NCSTN: variants seen among roughly 807,000 people sequenced by gnomAD.
NCSTN encodes anterior pharynx-defective 2.
Under a neutral mutation model 87.0 loss-of-function variants are expected in NCSTN, and 22 were observed. The observed-to-expected ratio is 0.25, with a 90% confidence interval of 0.18 to 0.36. The LOEUF is 0.36. NCSTN is among the 10% of genes least tolerant of loss of function. The pLI, the probability that NCSTN is intolerant of heterozygous loss-of-function variation, is 1.00. For synonymous variants in NCSTN, 306 were observed against 327.1 expected, an observed-to-expected ratio of 0.94 and a Z score of 0.69; for missense variants, 693 against 883.3, an observed-to-expected ratio of 0.78 and a Z score of 2.73.
At chr1:160,352,521 C>T (rs1434106075) in intron 8 of NCSTN, among the ~76,000 whole-genome samples, 4 of 152,196 alleles carry the variant, frequency 2.6e-5, no homozygotes, top group African/African-American at 4.8e-5. Context: ...ATCCAGGAGC[C>T]GTTAGGCTCC....
rs1557890619 is a variant in NCSTN, at chr1:160,358,298, T to TCAG, written c.*31_*33dup. On this transcript the variant is annotated 3_prime_UTR_variant, in exon 17 of 17. Coordinates refer to ENST00000294785, the MANE Select transcript of NCSTN (RefSeq NM_015331.3). The stretch of plus-strand genomic sequence containing the variant: ...GAGGACCCCAGCTTTTCTTGCCAGC[T>TCAG]CAGCAGTTCACTTCCTAGAGCATCT... 2 of 1,613,680 alleles carry TCAG rather than the reference T, an allele frequency of 1.2e-6. No individual in the cohort carries two copies. The highest frequency in any genetic ancestry group is 1.7e-6 in the Non-Finnish European group (2 of 1,180,042).
intron 10 of NCSTN, chr1:160,353,821 A>T: frequency 1.4e-6 from 1 of 735,306 alleles, no homozygotes; most frequent in Non-Finnish European, 1.7e-6. Context: ...AATAAATAAT[A>T]AGTGAAGCAT....
At chr1:160,354,076 TCC>T in intron 10 of NCSTN, 40 bp from the exon 11 acceptor site, 1 of 1,594,270 alleles carries the variant, frequency 6.3e-7, no homozygotes, top group Non-Finnish European at 8.6e-7. Flanking sequence ...CTGCTTCCCA[TCC>T]CCCAGCCTCC....
chr1:160,348,256 C>G (rs1016791111), intron 2 of NCSTN, among the ~76,000 whole-genome samples: 3 of 152,208 alleles, frequency 2.0e-5, no homozygotes, highest in African/African-American at 7.2e-5. Flanking sequence ...TAATACAGTG[C>G]TTCCCAATCT....
Position 160,356,706 on chromosome 1 carries a change from C to G in NCSTN, c.1746C>G (p.Thr582=). The change falls in exon 15 of 17, where the codon ACC becomes ACG. Residue 582 remains threonine (T), a synonymous_variant. Transcript: ENST00000294785. ...ANLTGTVVNL[T]REQCQDPSKV... Reference sequence around the variant, plus strand: ...TGACTGGCACAGTGGTCAACCTCACCCGAGAGCAGTGCCAGGATCCAAGTA... The same window carrying G: ...TGACTGGCACAGTGGTCAACCTCACGCGAGAGCAGTGCCAGGATCCAAGTA... 1 of 1,614,216 alleles carries G rather than the reference C, an allele frequency of 6.2e-7. No individual in the cohort carries two copies. Among genetic ancestry groups the G allele is most frequent in the Non-Finnish European group, 8.5e-7 (1 of 1,180,048 alleles).
intron 1 of NCSTN, 195 bp from the exon 2 acceptor site, chr1:160,344,525 CAT>C: frequency 1.3e-6 from 2 of 1,549,036 alleles, no homozygotes; most frequent in Non-Finnish European, 8.7e-7. Context: ...CTTTGAGGCA[CAT>C]AGCTGGGTGC....
chr1:160,357,351 A>G, intron 16 of NCSTN, 98 bp downstream of exon 16: 4 of 1,270,254 alleles, frequency 3.1e-6, no homozygotes, highest in Non-Finnish European at 4.4e-6. Context: ...TTTGCCCCAC[A>G]TTTGTAGCAA....
rs747499831 is a variant in NCSTN at position 160,348,973 on chromosome 1, T to C, written c.191-26T>C. On this transcript the variant is annotated intron_variant, in intron 2 of 16. Coordinates refer to ENST00000294785, the MANE Select transcript of NCSTN (RefSeq NM_015331.3). ...TCAGAATTGTTAACTATGGGAGCTT[T>C]AATTTGACTCATTCTGTCCTGGCAG... 5.0e-6 allele frequency: 8 copies of C among 1,613,992 alleles called. No individual in the cohort carries two copies. The African/African-American group carries it at 5.3e-5, about 11-fold the overall frequency.
chr1:160,355,459 T>C (rs1041669833), intron 11 of NCSTN, among the ~76,000 whole-genome samples, 196 bp from the exon 12 acceptor site: 5 of 152,212 alleles, frequency 3.3e-5, no homozygotes, highest in African/African-American at 1.2e-4. Context: ...TCTTTAATTT[T>C]CACTAACCAC....
At chr1:160,343,674 C>G (rs1173222906) in intron 1 of NCSTN, 193 bp downstream of exon 1, 10 of 721,582 alleles carry the variant, frequency 1.4e-5, no homozygotes. Flanking sequence ...TCCCCCGCAG[C>G]ACGTCGTGTC....
intron 2 of NCSTN, among the ~76,000 whole-genome samples, chr1:160,347,000 T>C (rs1335276284): frequency 6.6e-6 from 1 of 152,210 alleles, no homozygotes; most frequent in Non-Finnish European, 1.5e-5. Flanking sequence ...AACCTCACTA[T>C]AAAGTACAGA....
chr1:160,352,308 G>T, intron 8 of NCSTN, 102 bp downstream of exon 8: 2 of 1,441,162 alleles, frequency 1.4e-6, no homozygotes, highest in Non-Finnish European at 1.9e-6. Flanking sequence ...GACCTAAGTT[G>T]TTAACCAGCA....
At chr1:160,347,794 G>C (rs1447894897) in intron 2 of NCSTN, among the ~76,000 whole-genome samples, 4 of 152,214 alleles carry the variant, frequency 2.6e-5, no homozygotes, top group Non-Finnish European at 2.9e-5. Flanking sequence ...ATTTTTAGTA[G>C]AGATGGGGTT....
chr1:160,344,958 T>A, intron 2 of NCSTN, 132 bp downstream of exon 2: 1 of 787,512 alleles, frequency 1.3e-6, no homozygotes, highest in Non-Finnish European at 2.2e-6. Flanking sequence ...CAGATAACCG[T>A]CTGTCAAGCT....
Position 160,356,594 on chromosome 1 carries a change from A to G in NCSTN, c.1640-6A>G. On this transcript the variant is annotated splice_polypyrimidine_tract_variant and splice_region_variant and intron_variant, in intron 14 of 16. Coordinates refer to ENST00000294785, the MANE Select transcript of NCSTN (RefSeq NM_015331.3). ...AAATCTTCCCTTCCCTTTGGTCTGC[A>G]CTCAGGTGACGGGCCTCTTCAACAT... 6.2e-7 allele frequency: 1 copy of G among 1,613,926 alleles called. No individual in the cohort carries two copies. The highest frequency in any genetic ancestry group is 8.5e-7 in the Non-Finnish European group (1 of 1,179,986).
rs767029348 is a variant in NCSTN at position 160,352,063 on chromosome 1, C to T, written c.853C>T (p.Arg285Cys). ...CTTCTGTTGTACCTAGCTGGATAGT[C>T]GTTCCTTTTTCTGGAATGTGGCCCC... Reference protein sequence around the residue: ...VVVAATRLDSRSFFWNVAPGA... With the variant: ...VVVAATRLDSCSFFWNVAPGA... Residue 285 changes from arginine to cysteine, a missense_variant, in exon 8 of 17, where the codon CGT becomes TGT. Physicochemically the swap from Arg to Cys is radical, Grantham distance 180. Coordinates refer to ENST00000294785, the MANE Select transcript of NCSTN (RefSeq NM_015331.3). The T allele has an allele frequency of 5.0e-6, 8 of 1,614,018 alleles. No individual in the cohort carries two copies. Among genetic ancestry groups the T allele is most frequent in the Admixed American group, 3.3e-5 (2 of 60,004 alleles).
intron 9 of NCSTN, 75 bp downstream of exon 9, chr1:160,353,066 A>G (rs1000460714): frequency 6.3e-7 from 1 of 1,578,978 alleles, no homozygotes; most frequent in African/African-American, 1.3e-5. Flanking sequence ...TCTTAACTGC[A>G]GGAACCACCG....
At position 160,349,752 on chromosome 1, in the gene NCSTN, T is replaced by C. The variant is rs996554154; in HGVS notation, c.436+82T>C. 7.1e-6 allele frequency: 11 copies of C among 1,556,474 alleles called. No homozygotes were observed. In the East Asian group the frequency reaches 2.3e-4, roughly 32 times the overall value. On this transcript the variant is annotated intron_variant, in intron 4 of 16. Transcript: ENST00000294785. ...CGGTCTTACGTCTTTGTGAGGGATG[T>C]ATATGTGTTTGTGTCTGTGTGTAGT...
rs202046846 is a variant in NCSTN at position 160,352,213 on chromosome 1, G to A, written c.996+7G>A. 830 of 1,613,890 alleles carry A rather than the reference G, an allele frequency of 5.1e-4. No individual in the cohort carries two copies. The highest frequency in any genetic ancestry group is 6.4e-4 in the Non-Finnish European group (761 of 1,179,908). On this transcript the variant is annotated splice_region_variant and intron_variant, in intron 8 of 16. Transcript: ENST00000294785. ...GTTTGTCTTCTTTCAAGGGGTAAGGGCTCTTTGGCTGGGGTGCAATGGCAG... is the reference window on the plus strand; with the variant it reads ...GTTTGTCTTCTTTCAAGGGGTAAGGACTCTTTGGCTGGGGTGCAATGGCAG...
Sources: allele counts gnomAD v4.1 joint callset (sites outside exome capture counted in the v4.1 genomes callset), GRCh38; gene constraint gnomAD v4.1.1; transcripts MANE v1.5; gene names NCBI Gene and HGNC (gene_info 2026-07-23, HGNC 2026-07-21).